RAB5C: variants seen among roughly 807,000 people sequenced by gnomAD.
The protein encoded by RAB5C is RAB5C, member RAS oncogene family, also known as ras-related protein Rab-5C.
In RAB5C, 4 loss-of-function variants were observed where a neutral mutation model predicts 25.2. The ratio of observed to expected loss-of-function variants is 0.16; its 90% CI spans 0.08 to 0.36. The LOEUF (loss-of-function observed/expected upper bound fraction) is 0.36, where lower values mean the gene tolerates loss of function less well. Among genes scored for constraint, RAB5C ranks in the 10% least tolerant of loss-of-function variants. RAB5C has a pLI of 1.00. For synonymous variants in RAB5C, 100 were observed against 106.4 expected, an observed-to-expected ratio of 0.94 and a Z score of 0.37; for missense variants, 199 against 283.8, an observed-to-expected ratio of 0.70 and a Z score of 2.15.
chr17:42,127,267 A>T (rs2054435700), intron 4 of RAB5C, among the ~76,000 whole-genome samples: 1 of 152,206 alleles, frequency 6.6e-6, no homozygotes, highest in African/African-American at 2.4e-5. Flanking sequence ...TGTATAGCAC[A>T]CTGCCATCAA....
intron 1 of RAB5C, among the ~76,000 whole-genome samples, chr17:42,132,727 T>C (rs2054498974): frequency 6.6e-6 from 1 of 151,454 alleles, no homozygotes; most frequent in Non-Finnish European, 1.5e-5. Context: ...AGAGATGGAG[T>C]CTCACTGTGT....
At chr17:42,127,293 TA>T (rs2054435891) in intron 4 of RAB5C, among the ~76,000 whole-genome samples, 1 of 152,302 alleles carries the variant, frequency 6.6e-6, no homozygotes, top group Admixed American at 6.5e-5. Flanking sequence ...AGAAAGGGAT[TA>T]AAAAACACGT....
At chr17:42,134,591 CT>C (rs1468213674) in intron 1 of RAB5C, among the ~76,000 whole-genome samples, 2 of 152,052 alleles carry the variant, frequency 1.3e-5, no homozygotes, top group Non-Finnish European at 2.9e-5. Context: ...AAAAAGTTGA[CT>C]TTTTTTCACA....
chr17:42,133,540 T>G (rs1446636386), intron 1 of RAB5C, among the ~76,000 whole-genome samples: 1 of 152,176 alleles, frequency 6.6e-6, no homozygotes, highest in East Asian at 1.9e-4. Context: ...AGCCAGCCCC[T>G]CGAGATTCTC....
At chr17:42,126,256 C>T (rs749255540) in intron 5 of RAB5C, among the ~76,000 whole-genome samples, 1 of 151,998 alleles carries the variant, frequency 6.6e-6, no homozygotes, top group Non-Finnish European at 1.5e-5. Context: ...CTGGCCCAGG[C>T]TTCAGGAACT....
At chr17:42,144,039 G>A (rs1202494529) in intron 1 of RAB5C, among the ~76,000 whole-genome samples, 2 of 152,114 alleles carry the variant, frequency 1.3e-5, no homozygotes, top group African/African-American at 2.4e-5. Context: ...GCCCATCTTG[G>A]CTTCCCCAAG....
chr17:42,128,844 T>A, intron 2 of RAB5C, 44 bp from the exon 3 acceptor site: 1 of 1,411,190 alleles, frequency 7.1e-7, no homozygotes, highest in East Asian at 2.6e-5. Context: ...CGAGTTGGAA[T>A]CCACCCCACA....
chr17:42,125,695 C>T lies in RAB5C; in HGVS notation c.*88G>A. On this transcript the variant is annotated 3_prime_UTR_variant, in exon 6 of 6. Transcript: ENST00000346213. The stretch of plus-strand genomic sequence containing the variant: ...CTCCCCCTGCCCCCCCAGTGGTGGC[C>T]CGAGTCGTTAAGTGCGATTGGTTAG... The T allele has an allele frequency of 1.1e-6, 1 of 909,918 alleles. No individual in the cohort carries two copies. The allele number at this position is 909,918 out of a possible 1,614,324, so 56.4% of individuals were successfully genotyped here.
intron 1 of RAB5C, among the ~76,000 whole-genome samples, chr17:42,150,651 A>T (rs1197408923): frequency 2.7e-5 from 4 of 148,486 alleles, no homozygotes; most frequent in African/African-American, 1.0e-4. Context: ...ACCTCACCTG[A>T]GGTCAGGAGT....
At chr17:42,147,038 C>CAGAAAA (rs1568024983) in intron 1 of RAB5C, among the ~76,000 whole-genome samples, 6 of 122,778 alleles carry the variant, frequency 4.9e-5, no homozygotes, top group Non-Finnish European at 1.1e-4. Context: ...GACAGAAAGA[C>CAGAAAA]AGAAAGAAAG....
intron 1 of RAB5C, among the ~76,000 whole-genome samples, chr17:42,140,059 C>T (rs1185072796): frequency 2.0e-5 from 3 of 152,178 alleles, no homozygotes; most frequent in Non-Finnish European, 4.4e-5. Flanking sequence ...AGGGGCTCTG[C>T]AGGGGTCAGA....
intron 4 of RAB5C, 147 bp from the exon 5 acceptor site, chr17:42,126,995 T>G: frequency 2.0e-6 from 1 of 493,442 alleles, no homozygotes; most frequent in East Asian, 3.1e-5. Context: ...GGCCTAAGGC[T>G]GCCCTGATCT....
intron 1 of RAB5C, among the ~76,000 whole-genome samples, chr17:42,140,507 ATATATATATTTTTTTTTTTTTTT>A (rs2054584525): frequency 2.5e-5 from 1 of 40,800 alleles, no homozygotes; most frequent in African/African-American, 1.9e-4. Flanking sequence ...ATATATATAT[ATATATATATTTTTTTTTTTTTTT>A]TTTTTTTTTT....
intron 5 of RAB5C, 84 bp downstream of exon 5, chr17:42,126,671 G>T: frequency 1.6e-6 from 1 of 618,232 alleles, no homozygotes; most frequent in Non-Finnish European, 2.8e-6. Context: ...GTGGTGAAGG[G>T]ACCCCGCAGG....
intron 1 of RAB5C, among the ~76,000 whole-genome samples, chr17:42,151,254 G>A (rs2079669229): frequency 6.6e-6 from 1 of 152,166 alleles, no homozygotes; most frequent in African/African-American, 2.4e-5. Flanking sequence ...GGCTAACACG[G>A]CGGAACCCCA....
At chr17:42,128,176 C>T in intron 4 of RAB5C, 85 bp downstream of exon 4, 1 of 1,521,792 alleles carries the variant, frequency 6.6e-7, no homozygotes. Context: ...CTAGCATGGC[C>T]CTTCCCAAAG....
intron 5 of RAB5C, 199 bp downstream of exon 5, chr17:42,126,556 T>C (rs1383499823): frequency 2.8e-5 from 8 of 290,128 alleles, no homozygotes; most frequent in Admixed American, 6.1e-5. Flanking sequence ...GGCGTGAACC[T>C]GGGGGGCGGA....
intron 1 of RAB5C, among the ~76,000 whole-genome samples, chr17:42,150,656 A>C (rs908188246): frequency 1.3e-5 from 2 of 150,564 alleles, no homozygotes; most frequent in Non-Finnish European, 3.0e-5. Flanking sequence ...ACCTGAGGTC[A>C]GGAGTTTGAG....
intron 1 of RAB5C, among the ~76,000 whole-genome samples, chr17:42,146,126 T>C (rs1275303580): frequency 6.6e-6 from 1 of 152,078 alleles, no homozygotes. Flanking sequence ...TTTAGATGCT[T>C]GCCCAGCACT....
Sources: gnomAD v4.1 joint callset for allele counts (sites outside exome capture counted in the v4.1 genomes callset) on GRCh38, gnomAD v4.1.1 for gene constraint, MANE v1.5 for transcripts, NCBI Gene and HGNC (gene_info 2026-07-23, HGNC 2026-07-21) for gene names.